The following ZNF423 variants were observed in gnomAD, a reference collection of about 807,000 sequenced individuals.
ZNF423 encodes the protein zinc finger protein 423, also known as Ebf-associated zinc finger protein.
Under a neutral mutation model 95.8 loss-of-function variants are expected in ZNF423, and 12 were observed. The ratio of observed to expected loss-of-function variants is 0.13; its 90% CI spans 0.08 to 0.20. The LOEUF is 0.20. Among genes scored for constraint, ZNF423 ranks in the 10% least tolerant of loss-of-function variants. The pLI is 1.00. For synonymous variants in ZNF423, 749 were observed against 711.9 expected, an observed-to-expected ratio of 1.05 and a Z score of -0.83; for missense variants, 1,316 against 1,737.1, an observed-to-expected ratio of 0.76 and a Z score of 4.31.
chr16:49,777,968 A>C (rs1842367150), intron 2 of ZNF423, among the ~76,000 whole-genome samples: 1 of 152,236 alleles, frequency 6.6e-6, no homozygotes, highest in Admixed American at 6.5e-5. Flanking sequence ...CCAGGTTTGC[A>C]AGGCATTTAG....
chr16:49,858,082 C>T (rs376345275), upstream of ZNF423, among the ~76,000 whole-genome samples: 1 of 152,054 alleles, frequency 6.6e-6, no homozygotes, highest in African/African-American at 2.4e-5. The surrounding 1 kb of genome is among the most constrained non-coding windows in gnomAD (Gnocchi z 4.3). Context: ...GAGAACGGAG[C>T]GGGTGCACGG....
intron 5 of ZNF423, among the ~76,000 whole-genome samples, chr16:49,604,916 A>G (rs1488026646): frequency 1.3e-5 from 2 of 152,246 alleles, no homozygotes; most frequent in African/African-American, 4.8e-5. Flanking sequence ...GGGCAGAATC[A>G]GAATGCAAAG....
intron 3 of ZNF423, among the ~76,000 whole-genome samples, chr16:49,696,898 C>A (rs906921231): frequency 2.0e-5 from 3 of 152,226 alleles, no homozygotes; most frequent in South Asian, 2.1e-4. Flanking sequence ...GCCTGCAGAG[C>A]GCTTTCAGGA....
intron 1 of ZNF423, among the ~76,000 whole-genome samples, chr16:49,793,592 T>C (rs932292469): frequency 6.6e-6 from 1 of 152,176 alleles, no homozygotes; most frequent in Non-Finnish European, 1.5e-5. Context: ...CTGTGGATGA[T>C]GGGCATTTGT....
chr16:49,754,335 C>T (rs1364878278), intron 2 of ZNF423, among the ~76,000 whole-genome samples: 2 of 152,168 alleles, frequency 1.3e-5, no homozygotes, highest in African/African-American at 4.8e-5. Flanking sequence ...ATCCCCGATG[C>T]CTAGCACAGT....
At chr16:49,822,233 G>T (rs1004285762) in intron 1 of ZNF423, among the ~76,000 whole-genome samples, 16 of 151,302 alleles carry the variant, frequency 1.1e-4, no homozygotes, top group Non-Finnish European at 1.5e-4. Flanking sequence ...GAGTGCAGTG[G>T]CGTGATTTCA....
At chr16:49,550,572 T>A (rs952897130) in intron 5 of ZNF423, among the ~76,000 whole-genome samples, 2 of 152,244 alleles carry the variant, frequency 1.3e-5, no homozygotes, top group Non-Finnish European at 2.9e-5. Context: ...CCAGCTCTCT[T>A]TCTACAAAAC....
In ZNF423 at chr16:49,742,788, C is replaced by A. The variant is rs147441104; in HGVS notation, c.101-11817G>T. Among the ~76,000 whole-genome samples the A allele has an allele frequency of 1.5e-3, 225 of 152,240 alleles. 1 individual carries two copies. Among genetic ancestry groups the A allele is most frequent in the African/African-American group, 5.1e-3 (211 of 41,542 alleles). On this transcript the variant is annotated intron_variant, in intron 2 of 7. Transcript: ENST00000563137. ...GGATGCTGGGGCGCAAATCACCCCC[C>A]TTGTGGCTGCAAAAAAAGGATCCCG...
intron 2 of ZNF423, among the ~76,000 whole-genome samples, chr16:49,774,591 C>A (rs1454788438): frequency 6.6e-6 from 1 of 152,184 alleles, no homozygotes; most frequent in South Asian, 2.1e-4. Flanking sequence ...CCTAACTGCA[C>A]CCCTGTTGGA....
chr16:49,745,614 G>A (rs202243257), intron 2 of ZNF423, among the ~76,000 whole-genome samples: 1 of 152,200 alleles, frequency 6.6e-6, no homozygotes, highest in Non-Finnish European at 1.5e-5. Context: ...ACTCGAGCGC[G>A]ACGTGGTCTT....
chr16:49,594,770 A>AT (rs1971129794), intron 5 of ZNF423, among the ~76,000 whole-genome samples: 1 of 152,158 alleles, frequency 6.6e-6, no homozygotes, highest in Non-Finnish European at 1.5e-5. Context: ...TATAACACAA[A>AT]TTAGAGCACA....
chr16:49,617,928 T>G (rs1327475578), intron 5 of ZNF423, among the ~76,000 whole-genome samples: 1 of 152,122 alleles, frequency 6.6e-6, no homozygotes, highest in Non-Finnish European at 1.5e-5. Flanking sequence ...CACTGCTCCT[T>G]CAGCACCAAC....
At chr16:49,729,104 G>C (rs1259500562) in intron 3 of ZNF423, among the ~76,000 whole-genome samples, 1 of 152,160 alleles carries the variant, frequency 6.6e-6, no homozygotes, top group East Asian at 1.9e-4. Context: ...TGGAGGAAGG[G>C]GCAGCCTCTA....
intron 1 of ZNF423, among the ~76,000 whole-genome samples, chr16:49,851,573 C>CCCT (rs1269098427): frequency 2.0e-5 from 3 of 152,024 alleles, no homozygotes; most frequent in South Asian, 2.1e-4. Context: ...TCCTGGTTCC[C>CCCT]CCTCCTCCTC....
rs1234262960 is a variant in ZNF423 at position 49,635,488 on chromosome 16, T to C, written c.3516+172A>G. 6.6e-6 allele frequency among the ~76,000 whole-genome samples: 1 copy of C among 152,234 alleles called. No homozygotes were observed. Among genetic ancestry groups the C allele is most frequent in the Non-Finnish European group, 1.5e-5 (1 of 68,044 alleles). Reference sequence around the variant, plus strand: ...GCCCATCACATGGCTGGAAAGGCAATGGCAGTGCTGAGGTTCAAACTCAAG... The same window carrying C: ...GCCCATCACATGGCTGGAAAGGCAACGGCAGTGCTGAGGTTCAAACTCAAG... On this transcript the variant is annotated intron_variant, in intron 4 of 7. Coordinates refer to ENST00000563137, the MANE Select transcript of ZNF423 (RefSeq NM_001379286.1). The surrounding 1 kb of genome is among the most constrained non-coding windows in gnomAD (Gnocchi z 4.8).
At chr16:49,745,985 A>G (rs938298089) in intron 2 of ZNF423, among the ~76,000 whole-genome samples, 2 of 152,042 alleles carry the variant, frequency 1.3e-5, no homozygotes, top group African/African-American at 4.8e-5. Flanking sequence ...GCAGAGAAAT[A>G]CCCTAAAATG....
chr16:49,560,514 A>T (rs932385755), intron 5 of ZNF423, among the ~76,000 whole-genome samples: 3 of 152,140 alleles, frequency 2.0e-5, no homozygotes, highest in Non-Finnish European at 2.9e-5. Flanking sequence ...CAGCATGATG[A>T]AGGTTTCCCC....
At chr16:49,612,461 C>A (rs1971757391) in intron 5 of ZNF423, among the ~76,000 whole-genome samples, 1 of 142,358 alleles carries the variant, frequency 7.0e-6, no homozygotes, top group African/African-American at 2.7e-5. Context: ...AATCCAACAC[C>A]CATTCATGGT....
intron 7 of ZNF423, among the ~76,000 whole-genome samples, chr16:49,510,511 C>T (rs574222279): frequency 1.3e-5 from 2 of 152,320 alleles, no homozygotes; most frequent in African/African-American, 4.8e-5. Flanking sequence ...TTCTTACGAC[C>T]TCACATGAGT....
Sources: allele counts gnomAD v4.1 joint callset (sites outside exome capture counted in the v4.1 genomes callset), GRCh38; gene constraint gnomAD v4.1.1; non-coding constraint Gnocchi (gnomAD v3.1); transcripts MANE v1.5; gene names NCBI Gene and HGNC (gene_info 2026-07-23, HGNC 2026-07-21).